STAG1: variants seen among roughly 807,000 people sequenced by gnomAD.
STAG1 encodes STAG1 cohesin complex component, also known as cohesin subunit SA-1.
A neutral mutation model predicts 170.9 loss-of-function variants in STAG1; 26 were observed. The ratio of observed to expected loss-of-function variants is 0.15; its 90% confidence interval spans 0.11 to 0.21. The LOEUF (loss-of-function observed/expected upper bound fraction) is 0.21, where lower values mean the gene tolerates loss of function less well. STAG1 is among the 10% of genes least tolerant of loss of function. The probability of loss-of-function intolerance (pLI) is 1.00; values close to 1 mark genes in which losing one functional copy is unlikely to be tolerated. For missense variants in STAG1, 964 were observed against 1,509.5 expected (o/e 0.64, Z 5.99); for synonymous variants, 514 against 497.7 (o/e 1.03, Z -0.44).
chr3:136,378,465 T>C (rs1937736067), intron 22 of STAG1, among the ~76,000 whole-genome samples: 1 of 152,126 alleles, frequency 6.6e-6, no homozygotes, highest in South Asian at 2.1e-4. Flanking sequence ...GGCCCAGGTT[T>C]GAGAGGATTG....
chr3:136,668,760 G>A (rs1015952867), intron 1 of STAG1, among the ~76,000 whole-genome samples: 1 of 152,126 alleles, frequency 6.6e-6, no homozygotes. Context: ...GCTGCCTGAG[G>A]AGAATGTGGC....
chr3:136,406,246 T>C (rs917299397), intron 21 of STAG1, among the ~76,000 whole-genome samples: 3 of 152,208 alleles, frequency 2.0e-5, no homozygotes, highest in Non-Finnish European at 4.4e-5. Context: ...CTTGAATTAA[T>C]GTCAAAAACA....
intron 13 of STAG1, among the ~76,000 whole-genome samples, chr3:136,463,296 T>G (rs1331834749): frequency 6.6e-6 from 1 of 152,054 alleles, no homozygotes; most frequent in East Asian, 1.9e-4. Context: ...CTTTGAGAGG[T>G]ACAAGTGAGT....
intron 13 of STAG1, among the ~76,000 whole-genome samples, chr3:136,457,877 C>T (rs1287959405): frequency 6.6e-6 from 1 of 152,046 alleles, no homozygotes; most frequent in African/African-American, 2.4e-5. Flanking sequence ...GGGAGGATCG[C>T]TTGAGCTTAG....
At chr3:136,379,051 G>A (rs1017842343) in intron 22 of STAG1, among the ~76,000 whole-genome samples, 6 of 152,156 alleles carry the variant, frequency 3.9e-5, no homozygotes, top group Admixed American at 3.3e-4. Context: ...GCTAACATGA[G>A]TATAGTATGT....
chr3:136,519,128 T>C (rs1349095261), intron 7 of STAG1, among the ~76,000 whole-genome samples: 2 of 152,048 alleles, frequency 1.3e-5, no homozygotes, highest in East Asian at 1.9e-4. Flanking sequence ...GAAGGACAAA[T>C]GCAAATGAGT....
In STAG1 at chr3:136,350,011, G is replaced by A. The variant is rs535940210; in HGVS notation, c.3066-648C>T. Among the ~76,000 whole-genome samples the A allele has an allele frequency of 1.4e-3, 215 of 152,020 alleles. 1 individual carries two copies. Among genetic ancestry groups the A allele is most frequent in the African/African-American group, 4.8e-3 (199 of 41,356 alleles). Reference sequence around the variant, plus strand: ...AAAAATTAGCCAGGCGTGGTGGCATGCACCTGTAATCCCAGCTACTCAGGA... The same window carrying A: ...AAAAATTAGCCAGGCGTGGTGGCATACACCTGTAATCCCAGCTACTCAGGA... On this transcript the variant is annotated intron_variant, in intron 28 of 33. Coordinates refer to ENST00000383202, the MANE Select transcript of STAG1 (RefSeq NM_005862.3).
chr3:136,377,137 C>T (rs1240502413), intron 23 of STAG1, among the ~76,000 whole-genome samples: 31 of 148,528 alleles, frequency 2.1e-4, no homozygotes, highest in African/African-American at 3.4e-4. Flanking sequence ...CGGTGGCTCA[C>T]GCCTGTAATC....
At chr3:136,736,545 A>G in intron 1 of STAG1, 2 of 1,496,772 alleles carry the variant, frequency 1.3e-6, no homozygotes, top group Non-Finnish European at 1.9e-6. Flanking sequence ...GGTCCGATTT[A>G]TCTTCTCTTT....
chr3:136,478,013 C>G (rs1052708776), intron 9 of STAG1, among the ~76,000 whole-genome samples: 1 of 152,072 alleles, frequency 6.6e-6, no homozygotes, highest in South Asian at 2.1e-4. Context: ...TGGTCTTGAA[C>G]TCCTGACCTC....
chr3:136,704,367 T>A (rs192008713), intron 1 of STAG1, among the ~76,000 whole-genome samples: 43 of 152,072 alleles, frequency 2.8e-4, no homozygotes, highest in African/African-American at 9.9e-4. Context: ...TTTTTAAAGA[T>A]GCAACTATAT....
At chr3:136,564,003 A>G (rs1352374130) in intron 5 of STAG1, among the ~76,000 whole-genome samples, 2 of 98,656 alleles carry the variant, frequency 2.0e-5, no homozygotes, top group Non-Finnish European at 4.3e-5. Flanking sequence ...AGCCTGGGTG[A>G]CAGAATAAGA....
intron 31 of STAG1, 70 bp downstream of exon 31, chr3:136,341,371 C>T: frequency 9.6e-7 from 1 of 1,039,408 alleles, no homozygotes; most frequent in Admixed American, 1.9e-5. Flanking sequence ...CAAAGAAACC[C>T]AAGTCATTTC....
chr3:136,352,624 T>C (rs1444791568), intron 28 of STAG1, among the ~76,000 whole-genome samples: 1 of 152,210 alleles, frequency 6.6e-6, no homozygotes, highest in Non-Finnish European at 1.5e-5. Context: ...ACTTATGATT[T>C]TTTTTTACTT....
At chr3:136,714,964 T>TATATATATATA (rs1491313421) in intron 1 of STAG1, among the ~76,000 whole-genome samples, 1 of 63,574 alleles carries the variant, frequency 1.6e-5, no homozygotes, top group African/African-American at 4.7e-5. Context: ...TATATATATA[T>TATATATATATA]TTTATATATA....
chr3:136,725,515 G>C (rs963377675), intron 1 of STAG1, among the ~76,000 whole-genome samples: 1 of 152,158 alleles, frequency 6.6e-6, no homozygotes, highest in Non-Finnish European at 1.5e-5. Flanking sequence ...ATTAATTATT[G>C]CTAGTAATAA....
intron 7 of STAG1, among the ~76,000 whole-genome samples, chr3:136,516,439 C>T (rs1934383127): frequency 6.6e-6 from 1 of 151,814 alleles, no homozygotes; most frequent in African/African-American, 2.4e-5. Flanking sequence ...GCCTGGGAAG[C>T]GGGGGTTGCA....
intron 1 of STAG1, among the ~76,000 whole-genome samples, chr3:136,643,913 A>T (rs549624707): frequency 6.6e-6 from 1 of 152,318 alleles, no homozygotes; most frequent in African/African-American, 2.4e-5. Context: ...CAACCTTAAA[A>T]TTATGTGATT....
At chr3:136,562,141 CTAAT>C (rs1366095116) in intron 5 of STAG1, among the ~76,000 whole-genome samples, 6 of 152,282 alleles carry the variant, frequency 3.9e-5, no homozygotes, top group South Asian at 2.1e-4. Flanking sequence ...ATCCACAGAA[CTAAT>C]TAAGATTTCA....
Sources: gnomAD v4.1 joint callset for allele counts (sites outside exome capture counted in the v4.1 genomes callset) on GRCh38, gnomAD v4.1.1 for gene constraint, MANE v1.5 for transcripts, NCBI Gene and HGNC (gene_info 2026-07-23, HGNC 2026-07-21) for gene names.